ZNF407: variants seen among roughly 807,000 people sequenced by gnomAD.
The protein encoded by ZNF407 is zinc finger protein 407.
Under a neutral mutation model 131.2 loss-of-function variants are expected in ZNF407, and 17 were observed. The ratio of observed to expected loss-of-function variants is 0.13; its 90% CI spans 0.09 to 0.19. The LOEUF (loss-of-function observed/expected upper bound fraction) is 0.19, where lower values mean the gene tolerates loss of function less well. Among genes scored for constraint, ZNF407 ranks in the 10% least tolerant of loss-of-function variants. ZNF407 has a pLI of 1.00. For synonymous variants in ZNF407, 1,156 were observed against 1,062.0 expected, an observed-to-expected ratio of 1.09 and a Z score of -1.72; for missense variants, 2,681 against 2,830.6, an observed-to-expected ratio of 0.95 and a Z score of 1.20.
At position 75,063,841 on chromosome 18, in the gene ZNF407, C is replaced by G; in HGVS notation, c.6120C>G (p.Ile2040Met). The stretch of plus-strand genomic sequence containing the variant: ...CTGCCGACCCCGAGGCCCCCGAGAT[C>G]CAGATGTTCCCACAGGCCCAGGAGA... The part of the protein sequence containing the change: ...HVAADPEAPE[I>M]QMFPQAQESP... Residue 2040 changes from isoleucine to methionine, a missense_variant, in exon 9 of 9, where the codon ATC becomes ATG. Ile to Met is a conservative substitution (Grantham distance 10). Transcript: ENST00000299687. The surrounding 1 kb of genome is among the most constrained non-coding windows in gnomAD (Gnocchi z 6.6). 3 of 1,609,306 alleles carry G rather than the reference C, an allele frequency of 1.9e-6. No homozygotes were observed. The highest frequency in any genetic ancestry group is 1.3e-5 in the African/African-American group (1 of 74,992).
intron 8 of ZNF407, among the ~76,000 whole-genome samples, chr18:74,963,499 C>T (rs937486509): frequency 6.6e-6 from 1 of 152,038 alleles, no homozygotes; most frequent in Non-Finnish European, 1.5e-5. Flanking sequence ...AAGAACTACT[C>T]GATTTTTTTT....
chr18:74,631,376 C>T lies in ZNF407; in HGVS notation c.357C>T (p.Asp119=). Residue 119 remains aspartate, a synonymous_variant, in exon 2 of 9, where the codon GAC becomes GAT. Transcript: ENST00000299687. ...CAGGGAAGGAGACCTTTCTGAGTGA[C>T]TGCACAGTTGGAGGCACATGTCTCC... is the stretch of plus-strand genomic sequence containing the variant. ...DETGKETFLS[D]CTVGGTCLPN... is the part of the protein sequence containing the mutation. 6.2e-7 allele frequency: 1 copy of T among 1,614,026 alleles called. No individual in the cohort carries two copies. The highest frequency in any genetic ancestry group is 8.5e-7 in the Non-Finnish European group (1 of 1,179,900).
chr18:74,715,508 T>A (rs1410206147), intron 3 of ZNF407, among the ~76,000 whole-genome samples: 1 of 152,190 alleles, frequency 6.6e-6, no homozygotes, highest in Non-Finnish European at 1.5e-5. Flanking sequence ...GCTCATCCCA[T>A]CACAGGATTT....
At chr18:74,688,123 T>C (rs1967137973) in intron 3 of ZNF407, among the ~76,000 whole-genome samples, 2 of 152,190 alleles carry the variant, frequency 1.3e-5, no homozygotes, top group African/African-American at 2.4e-5. Flanking sequence ...CCATATAGCT[T>C]TTCAGCCTCT....
chr18:75,000,799 G>A (rs897077968), intron 8 of ZNF407, among the ~76,000 whole-genome samples: 1 of 152,008 alleles, frequency 6.6e-6, no homozygotes, highest in Non-Finnish European at 1.5e-5. Flanking sequence ...AGAGCATTGT[G>A]GAATATAAAC....
At position 75,027,001 on chromosome 18, in the gene ZNF407, G is replaced by A. The variant is rs908314841; in HGVS notation, c.5429-36149G>A. Among the ~76,000 whole-genome samples, 18 of 152,328 alleles carry A rather than the reference G, an allele frequency of 1.2e-4. 1 individual carries two copies. Among genetic ancestry groups the A allele is most frequent in the African/African-American group, 4.3e-4 (18 of 41,560 alleles). ...ACATATGAATAGGTGTAAAATAACT[G>A]CAAGTTACGACAAGGCCATGAGTCA... On this transcript the variant is annotated intron_variant, in intron 8 of 8. Transcript: ENST00000299687.
intron 8 of ZNF407, among the ~76,000 whole-genome samples, chr18:74,973,198 G>A (rs370637625): frequency 6.6e-6 from 1 of 152,020 alleles, no homozygotes; most frequent in Non-Finnish European, 1.5e-5. Context: ...GTTGGTGTCA[G>A]CATTTTACCA....
intron 1 of ZNF407, among the ~76,000 whole-genome samples, chr18:74,623,212 GTGAC>G (rs1216083799): frequency 5.3e-5 from 8 of 151,864 alleles, no homozygotes; most frequent in Admixed American, 2.0e-4. Flanking sequence ...CTGTGAATAT[GTGAC>G]TGCGTGTGTG....
chr18:74,679,355 A>G (rs955890597), intron 3 of ZNF407, among the ~76,000 whole-genome samples: 4 of 152,214 alleles, frequency 2.6e-5, no homozygotes, highest in African/African-American at 9.6e-5. Flanking sequence ...GGACTTGTCC[A>G]ACATGATCCC....
intron 3 of ZNF407, among the ~76,000 whole-genome samples, chr18:74,669,696 G>A (rs141089772): frequency 8.7e-4 from 132 of 152,256 alleles, no homozygotes; most frequent in African/African-American, 2.9e-3. Flanking sequence ...CCTGTGGCAC[G>A]TGCTCATCTC....
intron 8 of ZNF407, among the ~76,000 whole-genome samples, chr18:74,967,978 T>G (rs1046870461): frequency 6.6e-6 from 1 of 152,182 alleles, no homozygotes; most frequent in African/African-American, 2.4e-5. Flanking sequence ...TCTATGTTTT[T>G]TTGTGTGCTT....
At chr18:74,689,675 C>T (rs946019674) in intron 3 of ZNF407, among the ~76,000 whole-genome samples, 1 of 152,208 alleles carries the variant, frequency 6.6e-6, no homozygotes, top group African/African-American at 2.4e-5. Context: ...TTGAAAGCTT[C>T]CACTTCAGGA....
In ZNF407 at chr18:74,699,610, A is replaced by G. The variant is rs964608202; in HGVS notation, c.4802+58488A>G. Among the ~76,000 whole-genome samples the G allele has an allele frequency of 4.7e-4, 71 of 152,264 alleles. 2 individuals carry two copies. Among genetic ancestry groups the G allele is most frequent in the African/African-American group, 1.7e-3 (69 of 41,544 alleles). ...ACACAAGGATGAGGCGAGCTACTCC[A>G]GTGAGTATTTTACAAGTTAATCCTT... On this transcript the variant is annotated intron_variant, in intron 3 of 8. Coordinates refer to ENST00000299687, the MANE Select transcript of ZNF407 (RefSeq NM_017757.3).
intron 8 of ZNF407, among the ~76,000 whole-genome samples, chr18:75,011,409 A>G (rs773487407): frequency 2.6e-5 from 4 of 152,194 alleles, no homozygotes; most frequent in Non-Finnish European, 5.9e-5. Context: ...GAATAACTGT[A>G]TAACAAAATA....
At chr18:74,623,846 G>A (rs957784151) in intron 1 of ZNF407, among the ~76,000 whole-genome samples, 1 of 152,108 alleles carries the variant, frequency 6.6e-6, no homozygotes, top group East Asian at 1.9e-4. Flanking sequence ...TATGTTGACA[G>A]TCAAGGAACA....
intron 8 of ZNF407, chr18:75,062,369 A>G (rs1973646671): frequency 6.6e-6 from 1 of 152,206 alleles, no homozygotes; most frequent in South Asian, 2.1e-4. Context: ...AATCCAAGGC[A>G]CTGTCCGGAA....
rs150084260 is a variant in ZNF407 at position 74,803,118 on chromosome 18, T to C, written c.4877+21616T>C. 5.0e-4 allele frequency among the ~76,000 whole-genome samples: 76 copies of C among 152,316 alleles called. 2 individuals carry two copies. The highest frequency in any genetic ancestry group is 2.0e-3 in the Admixed American group (31 of 15,294). On this transcript the variant is annotated intron_variant, in intron 4 of 8. Transcript: ENST00000299687. The stretch of plus-strand genomic sequence containing the variant: ...AGCTAAGTCCAGCGTTACCACCCCC[T>C]TAGCCAGTTTTGTTACCTGTCAGAG...
intron 3 of ZNF407, among the ~76,000 whole-genome samples, chr18:74,667,527 A>G (rs1231875399): frequency 1.3e-5 from 2 of 152,202 alleles, no homozygotes; most frequent in African/African-American, 4.8e-5. Context: ...CGTCTCTTAT[A>G]TGTGTTACTG....
chr18:74,817,852 G>A (rs906677283), intron 4 of ZNF407, among the ~76,000 whole-genome samples: 1 of 152,170 alleles, frequency 6.6e-6, no homozygotes, highest in African/African-American at 2.4e-5. Flanking sequence ...TGACCATGAG[G>A]TGTTTTTTTG....
Sources: allele counts gnomAD v4.1 joint callset (sites outside exome capture counted in the v4.1 genomes callset), GRCh38; gene constraint gnomAD v4.1.1; non-coding constraint Gnocchi (gnomAD v3.1); transcripts MANE v1.5; gene names NCBI Gene and HGNC (gene_info 2026-07-23, HGNC 2026-07-21).